The following TNKS variants were observed in gnomAD, a reference collection of about 807,000 sequenced individuals.
TNKS encodes the protein tankyrase, also known as poly [ADP-ribose] polymerase tankyrase-1.
Under a neutral mutation model 135.8 loss-of-function variants are expected in TNKS, and 72 were observed. The observed-to-expected ratio is 0.53, with a 90% CI of 0.44 to 0.64. TNKS has a LOEUF of 0.64. Among genes scored for constraint, TNKS ranks in the 30% least tolerant of loss-of-function variants. The pLI, the probability that TNKS is intolerant of heterozygous loss-of-function variation, is 0.00. For synonymous variants in TNKS, 849 were observed against 649.3 expected (o/e 1.31, Z -4.68); for missense variants, 1,769 against 1,674.0 (o/e 1.06, Z -0.99).
chr8:9,759,980 A>T (rs1252946095), intron 20 of TNKS, among the ~76,000 whole-genome samples: 2 of 151,838 alleles, frequency 1.3e-5, no homozygotes, highest in African/African-American at 4.9e-5. Context: ...TCTGTCTCAA[A>T]AGAAAACAAA....
In TNKS at chr8:9,621,966, A is replaced by C. The variant is rs117767658; in HGVS notation, c.994+6289A>C. 7.8e-3 allele frequency among the ~76,000 whole-genome samples: 1,194 copies of C among 152,346 alleles called. 6 individuals are homozygous for C. Among genetic ancestry groups the C allele is most frequent in the Non-Finnish European group, 0.012 (805 of 68,032 alleles). On this transcript the variant is annotated intron_variant, in intron 3 of 26. Coordinates refer to ENST00000310430, the MANE Select transcript of TNKS (RefSeq NM_003747.3). ...TTAAAAGGCGTTACTGCTGAAACAA[A>C]GCAATGTGAATACTCATTTTAAATA... is the stretch of plus-strand genomic sequence containing the variant.
intron 2 of TNKS, among the ~76,000 whole-genome samples, chr8:9,614,896 A>G (rs1799582615): frequency 6.6e-6 from 1 of 152,140 alleles, no homozygotes; most frequent in Non-Finnish European, 1.5e-5. Flanking sequence ...AAGAATTCCC[A>G]GTAGCTACTT....
At chr8:9,765,887 C>T (rs950086397) in intron 24 of TNKS, 90 bp downstream of exon 24, 38 of 1,077,408 alleles carry the variant, frequency 3.5e-5, no homozygotes, top group Middle Eastern at 2.1e-4. Context: ...GACTATAATA[C>T]GGTTGTGTTA....
intron 21 of TNKS, 131 bp from the exon 22 acceptor site, chr8:9,763,016 T>C (rs1296063693): frequency 7.2e-6 from 3 of 416,132 alleles, no homozygotes; most frequent in East Asian, 3.5e-5. Flanking sequence ...CAGGTTCAAA[T>C]TGCAGATAGT....
intron 17 of TNKS, 76 bp from the exon 18 acceptor site, chr8:9,747,948 A>G: frequency 1.5e-6 from 2 of 1,351,408 alleles, no homozygotes; most frequent in Non-Finnish European, 2.0e-6. Flanking sequence ...ATTGTTAAAT[A>G]AAAACAGGTA....
chr8:9,710,208 G>C lies in TNKS; in HGVS notation c.1737G>C (p.Lys579Asn). The change falls in exon 11 of 27, where the codon AAG (lysine) becomes AAC (asparagine). Residue 579 changes from lysine (K) to asparagine (N), a missense_variant. This residue lies in a region of TNKS where 523 missense variants were observed against 541.0 expected (regional missense o/e 0.97). Transcript: ENST00000310430. ...ATGATGTCATGGAAGTTCTGCATAA[G>C]CATGGCGCCAAGGTGAGGCACACAC... ...AHNDVMEVLH[K>N]HGAKMNALDT... 6.2e-7 allele frequency: 1 copy of C among 1,614,180 alleles called. No individual in the cohort carries two copies. The highest frequency in any genetic ancestry group is 8.5e-7 in the Non-Finnish European group (1 of 1,180,038).
At chr8:9,599,654 A>G (rs1033254019) in intron 2 of TNKS, among the ~76,000 whole-genome samples, 4 of 152,142 alleles carry the variant, frequency 2.6e-5, no homozygotes, top group African/African-American at 7.2e-5. Context: ...GATAATTCTG[A>G]TTTTACAAAT....
chr8:9,605,861 T>G (rs957039622), intron 2 of TNKS, among the ~76,000 whole-genome samples: 1 of 152,116 alleles, frequency 6.6e-6, no homozygotes, highest in Non-Finnish European at 1.5e-5. Context: ...CTTACATATG[T>G]GTTGCAAATA....
chr8:9,619,918 T>C (rs1457689845), intron 3 of TNKS, among the ~76,000 whole-genome samples: 1 of 151,930 alleles, frequency 6.6e-6, no homozygotes, highest in Non-Finnish European at 1.5e-5. Context: ...TAGATTTTGC[T>C]GAAACCAAAA....
At chr8:9,653,669 A>G in intron 3 of TNKS, among the ~76,000 whole-genome samples, 1 of 152,138 alleles carries the variant, frequency 6.6e-6, no homozygotes, top group East Asian at 1.9e-4. Context: ...TCACAACATC[A>G]TCACCTCTTA....
Position 9,571,815 on chromosome 8 carries a change from C to T in TNKS, c.674-8344C>T, listed in dbSNP as rs370471893. ...TCTATTTCTTTCTCTCTGTTTGAAC[C>T]GTTCTGAACTTTTTTAGGTACTTGA... On this transcript the variant is annotated intron_variant, in intron 1 of 26. Transcript: ENST00000310430. Among the ~76,000 whole-genome samples, 56 of 152,012 alleles carry T rather than the reference C, an allele frequency of 3.7e-4. 2 individuals carry two copies. The highest frequency in any genetic ancestry group is 2.2e-3 in the Admixed American group (34 of 15,260).
intron 2 of TNKS, among the ~76,000 whole-genome samples, chr8:9,613,861 T>A (rs1477590828): frequency 6.6e-6 from 1 of 152,218 alleles, no homozygotes; most frequent in Admixed American, 6.5e-5. Context: ...ATTTTACTTC[T>A]AGCACTCATT....
intron 6 of TNKS, among the ~76,000 whole-genome samples, chr8:9,705,400 C>T (rs1412920232): frequency 2.6e-5 from 4 of 152,222 alleles, no homozygotes; most frequent in African/African-American, 9.6e-5. Flanking sequence ...AGATAATTAA[C>T]CCTACTACCC....
At chr8:9,722,487 C>T (rs1378731635) in intron 12 of TNKS, 1 of 149,596 alleles carries the variant, frequency 6.7e-6, no homozygotes, top group Non-Finnish European at 1.5e-5. Flanking sequence ...AGCATGTCTT[C>T]ACTATCAACA....
chr8:9,746,881 C>CTTTTTTTTTTTTTTTTTTTTTTTTTTTTT (rs10672387), intron 17 of TNKS, among the ~76,000 whole-genome samples: 1 of 117,230 alleles, frequency 8.5e-6, no homozygotes, highest in African/African-American at 3.6e-5. Flanking sequence ...CCTACTTAAA[C>CTTTTTTTTTTTTTTTTTTTTTTTTTTTTT]TTTTTTTTTT....
chr8:9,756,463 C>G (rs1056489202), intron 20 of TNKS, among the ~76,000 whole-genome samples: 17 of 151,308 alleles, frequency 1.1e-4, no homozygotes, highest in African/African-American at 4.1e-4. Context: ...TTAATGTATA[C>G]TAGATAGAAA....
chr8:9,565,364 A>T (rs1338987460), intron 1 of TNKS, among the ~76,000 whole-genome samples: 3 of 152,158 alleles, frequency 2.0e-5, no homozygotes. Flanking sequence ...CAGTAGAACA[A>T]ACTAAACTGC....
Position 9,580,331 on chromosome 8 carries a change from C to T in TNKS, c.846C>T (p.Asn282=), listed in dbSNP as rs962873305. The part of the protein sequence containing the change: ...GADPNARDNW[N]YTPLHEAAIK... ...ATCCAAATGCCAGGGATAACTGGAACTATACACCTCTGCATGAAGCTGCTA... is the reference window on the plus strand; with the variant it reads ...ATCCAAATGCCAGGGATAACTGGAATTATACACCTCTGCATGAAGCTGCTA... Residue 282 remains asparagine, a synonymous_variant, in exon 2 of 27, where the codon AAC becomes AAT. Transcript: ENST00000310430. The T allele has an allele frequency of 3.1e-6, 5 of 1,614,156 alleles. No homozygotes were observed. The South Asian group carries it at 5.5e-5, about 18-fold the overall frequency.
intron 18 of TNKS, 52 bp from the exon 19 acceptor site, chr8:9,751,557 C>T (rs1585416515): frequency 4.0e-6 from 6 of 1,518,974 alleles, no homozygotes; most frequent in Non-Finnish European, 5.4e-6. Flanking sequence ...GAAAAACTTA[C>T]CATTTTAATA....
Sources: gnomAD v4.1 joint callset for allele counts (sites outside exome capture counted in the v4.1 genomes callset) on GRCh38, gnomAD v4.1.1 for gene constraint, gnomAD v4.1.1 regional missense constraint, MANE v1.5 for transcripts, NCBI Gene and HGNC (gene_info 2026-07-23, HGNC 2026-07-21) for gene names.